The following NARS2 variants were observed in gnomAD, a reference collection of about 807,000 sequenced individuals.
NARS2 encodes the protein asparaginyl-tRNA synthetase 2, mitochondrial.
Under a neutral mutation model 62.9 loss-of-function variants are expected in NARS2, and 60 were observed. That is an observed-to-expected ratio of 0.95 (90% CI 0.77 to 1.18). The LOEUF (loss-of-function observed/expected upper bound fraction) is 1.18. Among genes scored for constraint, NARS2 ranks in the 50% most tolerant of loss-of-function variants. NARS2 has a pLI of 0.00. For synonymous variants in NARS2, 196 were observed against 200.0 expected (o/e 0.98, Z 0.17); for missense variants, 619 against 576.4 (o/e 1.07, Z -0.76).
At chr11:78,530,479 T>C (rs962660273) in intron 5 of NARS2, among the ~76,000 whole-genome samples, 4 of 152,198 alleles carry the variant, frequency 2.6e-5, no homozygotes, top group African/African-American at 9.7e-5. Flanking sequence ...ATAAGATTTA[T>C]TTATTTATTT....
At chr11:78,516,869 G>A (rs941015231) in intron 6 of NARS2, among the ~76,000 whole-genome samples, 1 of 152,144 alleles carries the variant, frequency 6.6e-6, no homozygotes, top group African/African-American at 2.4e-5. Flanking sequence ...AAAGCTCACA[G>A]TCAAAGCTAT....
chr11:78,492,112 GACACAC>G (rs754089395), intron 7 of NARS2, among the ~76,000 whole-genome samples: 3 of 145,422 alleles, frequency 2.1e-5, no homozygotes, highest in Admixed American at 7.0e-5. Flanking sequence ...TATATATACA[GACACAC>G]ACACACACAC....
chr11:78,541,725 C>T (rs1468504757), intron 5 of NARS2, among the ~76,000 whole-genome samples: 1 of 152,110 alleles, frequency 6.6e-6, no homozygotes, highest in African/African-American at 2.4e-5. Context: ...AATCAACCAA[C>T]CAAGCAATCA....
chr11:78,532,003 T>G (rs1268674183), intron 5 of NARS2, among the ~76,000 whole-genome samples: 1 of 152,212 alleles, frequency 6.6e-6, no homozygotes, highest in Non-Finnish European at 1.5e-5. Context: ...AAATGTACCT[T>G]TTAAAATGCT....
At chr11:78,465,719 G>T (rs1348052190) in intron 11 of NARS2, among the ~76,000 whole-genome samples, 157 bp downstream of exon 11, 1 of 152,180 alleles carries the variant, frequency 6.6e-6, no homozygotes, top group Non-Finnish European at 1.5e-5. Flanking sequence ...AGAACACTGG[G>T]ATCTTCTTTG....
At chr11:78,551,447 A>G (rs1163731681) in intron 5 of NARS2, among the ~76,000 whole-genome samples, 1 of 152,222 alleles carries the variant, frequency 6.6e-6, no homozygotes, top group Non-Finnish European at 1.5e-5. Flanking sequence ...TTATGGGATC[A>G]CCATGGTATA....
At chr11:78,528,215 G>C (rs1419592413) in intron 6 of NARS2, among the ~76,000 whole-genome samples, 1 of 151,946 alleles carries the variant, frequency 6.6e-6, no homozygotes, top group African/African-American at 2.4e-5. Flanking sequence ...CAATAAGCGA[G>C]ATCCCACCTC....
At chr11:78,445,100 T>C (rs954748965) in intron 11 of NARS2, among the ~76,000 whole-genome samples, 1 of 152,212 alleles carries the variant, frequency 6.6e-6, no homozygotes, top group Admixed American at 6.5e-5. Context: ...TAATGAGATG[T>C]TGTGTTGCTA....
chr11:78,571,620 T>TAC, intron 1 of NARS2, 176 bp from the exon 2 acceptor site: 2 of 523,722 alleles, frequency 3.8e-6, no homozygotes. Flanking sequence ...CACAATAGGA[T>TAC]ACACACTTTG....
At chr11:78,562,647 A>C (rs1295355327) in intron 4 of NARS2, among the ~76,000 whole-genome samples, 1 of 152,254 alleles carries the variant, frequency 6.6e-6, no homozygotes, top group Non-Finnish European at 1.5e-5. Flanking sequence ...TGGTGCCTAA[A>C]GAGAAAATTC....
In NARS2 at chr11:78,553,486, A is replaced by G. The variant is rs1400255243; in HGVS notation, c.594+6053T>C. Among the ~76,000 whole-genome samples the G allele has an allele frequency of 4.6e-5, 7 of 152,136 alleles. No individual in the cohort carries two copies. The South Asian group carries it at 8.3e-4, about 18-fold the overall frequency. ...GTATTTTTAGTAGAGAAAGGGTTTC[A>G]CCATGTTGGCCAGGCTGGTCTCGAA... On this transcript the variant is annotated intron_variant, in intron 5 of 13. Coordinates refer to ENST00000281038, the MANE Select transcript of NARS2 (RefSeq NM_024678.6).
At chr11:78,495,067 C>G (rs767660350) in intron 6 of NARS2, among the ~76,000 whole-genome samples, 10 of 152,196 alleles carry the variant, frequency 6.6e-5, no homozygotes, top group Non-Finnish European at 1.5e-4. Flanking sequence ...AGCTTTTTAA[C>G]TGGTGTCTGG....
chr11:78,467,546 T>C (rs1050647716), intron 10 of NARS2, among the ~76,000 whole-genome samples: 7 of 144,672 alleles, frequency 4.8e-5, no homozygotes, highest in African/African-American at 1.7e-4. Flanking sequence ...TTTCAAAAAA[T>C]AAATAAATAA....
At chr11:78,499,604 G>C (rs572639350) in intron 6 of NARS2, among the ~76,000 whole-genome samples, 2 of 152,320 alleles carry the variant, frequency 1.3e-5, no homozygotes, top group Admixed American at 6.5e-5. Flanking sequence ...TTTTTGCTCT[G>C]TCAACAAGAA....
At chr11:78,527,747 T>C (rs936516113) in intron 6 of NARS2, among the ~76,000 whole-genome samples, 1 of 152,172 alleles carries the variant, frequency 6.6e-6, no homozygotes, top group Non-Finnish European at 1.5e-5. Flanking sequence ...CTAATCTCTA[T>C]AATGAGAAAA....
chr11:78,506,689 C>A (rs1178703793), intron 6 of NARS2, among the ~76,000 whole-genome samples: 1 of 152,182 alleles, frequency 6.6e-6, no homozygotes, highest in Non-Finnish European at 1.5e-5. Context: ...CAATGTGCCA[C>A]CATGCCCAGC....
intron 6 of NARS2, among the ~76,000 whole-genome samples, chr11:78,501,323 T>C (rs1268534613): frequency 6.6e-6 from 1 of 152,180 alleles, no homozygotes. Context: ...CCATGAAGAC[T>C]GGAAAATACT....
intron 6 of NARS2, among the ~76,000 whole-genome samples, chr11:78,504,718 T>C (rs983761031): frequency 6.6e-6 from 1 of 152,192 alleles, no homozygotes; most frequent in African/African-American, 2.4e-5. Context: ...GCACATCTTC[T>C]ACAGCCTATG....
intron 5 of NARS2, 87 bp from the exon 6 acceptor site, chr11:78,529,023 A>G (rs1565261034): frequency 5.8e-6 from 5 of 859,786 alleles, no homozygotes; most frequent in Non-Finnish European, 9.5e-6. Flanking sequence ...ACTAAAAATC[A>G]CAATGCAATT....
Sources: gnomAD v4.1 joint callset for allele counts (sites outside exome capture counted in the v4.1 genomes callset) on GRCh38, gnomAD v4.1.1 for gene constraint, MANE v1.5 for transcripts, NCBI Gene and HGNC (gene_info 2026-07-23, HGNC 2026-07-21) for gene names.